KCNH1: variants seen among roughly 807,000 people sequenced by gnomAD.
The protein encoded by KCNH1 is voltage-gated delayed rectifier potassium channel KCNH1.
KCNH1 carries 27 observed loss-of-function variants against 69.2 expected under a neutral mutation model. That is an observed-to-expected ratio of 0.39 (90% CI 0.29 to 0.54). KCNH1 has a LOEUF of 0.54. Among genes scored for constraint, KCNH1 ranks in the 20% least tolerant of loss-of-function variants. KCNH1 has a pLI of 0.68. For synonymous variants in KCNH1, 456 were observed against 487.7 expected, an observed-to-expected ratio of 0.93 and a Z score of 0.86; for missense variants, 798 against 1,261.6, an observed-to-expected ratio of 0.63 and a Z score of 5.57.
chr1:210,960,196 A>T (rs1688267331), intron 6 of KCNH1, among the ~76,000 whole-genome samples: 1 of 152,208 alleles, frequency 6.6e-6, no homozygotes, highest in African/African-American at 2.4e-5. Context: ...CTAGAACATC[A>T]CCAATTTTAA....
chr1:210,741,661 C>G (rs916641596), intron 10 of KCNH1, among the ~76,000 whole-genome samples: 1 of 152,194 alleles, frequency 6.6e-6, no homozygotes, highest in African/African-American at 2.4e-5. Context: ...AAGGCCCTCA[C>G]TGAAAGCCCT....
chr1:210,963,602 C>A (rs557564860), intron 6 of KCNH1, among the ~76,000 whole-genome samples: 1 of 151,896 alleles, frequency 6.6e-6, no homozygotes, highest in South Asian at 2.1e-4. Flanking sequence ...CATAAATGAC[C>A]TGATGGAACT....
chr1:210,986,302 A>T (rs1688832913), intron 6 of KCNH1, among the ~76,000 whole-genome samples: 1 of 152,244 alleles, frequency 6.6e-6, no homozygotes, highest in African/African-American at 2.4e-5. Context: ...TAATATTGTT[A>T]TGTGTGAATT....
At chr1:211,035,724 G>T (rs1571596536) in intron 5 of KCNH1, among the ~76,000 whole-genome samples, 1 of 152,266 alleles carries the variant, frequency 6.6e-6, no homozygotes, top group East Asian at 1.9e-4. Flanking sequence ...GAAAACAGAA[G>T]ATGGAAATTC....
chr1:210,846,183 G>T (rs567889549), intron 7 of KCNH1, among the ~76,000 whole-genome samples: 1 of 152,118 alleles, frequency 6.6e-6, no homozygotes, highest in East Asian at 1.9e-4. Flanking sequence ...CAATGCCATC[G>T]CCATCAAGCT....
intron 7 of KCNH1, among the ~76,000 whole-genome samples, chr1:210,830,880 G>T (rs1014322727): frequency 6.6e-6 from 1 of 152,160 alleles, no homozygotes; most frequent in Non-Finnish European, 1.5e-5. Flanking sequence ...CAATAAAACT[G>T]CCCCAGCTTG....
chr1:210,728,396 C>G (rs993201782), intron 10 of KCNH1, among the ~76,000 whole-genome samples: 2 of 152,124 alleles, frequency 1.3e-5, no homozygotes, highest in Admixed American at 1.3e-4. Context: ...AGAGACCACA[C>G]AGTAGGACAG....
intron 10 of KCNH1, among the ~76,000 whole-genome samples, chr1:210,745,499 A>G (rs1424958335): frequency 6.6e-6 from 1 of 152,214 alleles, no homozygotes; most frequent in Non-Finnish European, 1.5e-5. Context: ...GCATATGCCA[A>G]TTAAGAAACG....
At chr1:211,030,682 G>C (rs1689766009) in intron 5 of KCNH1, among the ~76,000 whole-genome samples, 1 of 151,912 alleles carries the variant, frequency 6.6e-6, no homozygotes, top group Non-Finnish European at 1.5e-5. Flanking sequence ...AAAATCTTCA[G>C]AATCTAGGGC....
chr1:210,786,502 C>A (rs1349884068), intron 9 of KCNH1, among the ~76,000 whole-genome samples: 1 of 152,102 alleles, frequency 6.6e-6, no homozygotes, highest in East Asian at 1.9e-4. Flanking sequence ...TCTGGAAATC[C>A]ATCTCGGGCT....
chr1:210,721,318 G>C (rs1007640579), intron 10 of KCNH1, among the ~76,000 whole-genome samples: 7 of 152,188 alleles, frequency 4.6e-5, no homozygotes, highest in African/African-American at 1.7e-4. Context: ...GAGCTAGCCT[G>C]ATAATCAGAG....
rs1687422877 is a variant in KCNH1 at position 210,919,867 on chromosome 1, G to T, written c.1235C>A (p.Thr412Lys). ...GTACAGCCAGCTGTTGTTGCGGATT[G>T]TCTTGGTGTCCTCGTCAAAGATCTC... ...DYEIFDEDTK[T>K]IRNNSWLYQL... The change falls in exon 7 of 11, where the codon ACA becomes AAA. Residue 412 changes from threonine (T) to lysine (K), a missense_variant. Coordinates refer to ENST00000271751, the MANE Select transcript of KCNH1 (RefSeq NM_172362.3). The surrounding 1 kb of genome is among the most constrained non-coding windows in gnomAD (Gnocchi z 4.2). 6.2e-7 allele frequency: 1 copy of T among 1,614,070 alleles called. No homozygotes were observed. The highest frequency in any genetic ancestry group is 1.7e-5 in the Admixed American group (1 of 60,010).
intron 10 of KCNH1, among the ~76,000 whole-genome samples, chr1:210,755,322 C>T (rs554651851): frequency 1.1e-4 from 13 of 118,878 alleles, no homozygotes; most frequent in Admixed American, 1.8e-4. Context: ...GGGCTGCCTC[C>T]AGCACCAGTC....
At chr1:210,703,531 T>C (rs1681832970) in intron 10 of KCNH1, among the ~76,000 whole-genome samples, 1 of 152,232 alleles carries the variant, frequency 6.6e-6, no homozygotes, top group Non-Finnish European at 1.5e-5. Flanking sequence ...CTAAAAGAAA[T>C]AATGCATTTA....
At chr1:210,890,442 T>C (rs1407070999) in intron 7 of KCNH1, among the ~76,000 whole-genome samples, 1 of 152,102 alleles carries the variant, frequency 6.6e-6, no homozygotes, top group African/African-American at 2.4e-5. Context: ...ATAAAAACCC[T>C]AGAAGAAAAC....
chr1:211,050,337 A>ACAAAGCCT (rs1376419589), intron 5 of KCNH1, among the ~76,000 whole-genome samples: 1 of 148,718 alleles, frequency 6.7e-6, no homozygotes, highest in African/African-American at 2.5e-5. Flanking sequence ...TAGTCACAAA[A>ACAAAGCCT]CAAAGCCTGA....
intron 7 of KCNH1, among the ~76,000 whole-genome samples, chr1:210,819,876 G>A (rs982154308): frequency 3.3e-5 from 5 of 152,168 alleles, no homozygotes; most frequent in African/African-American, 4.8e-5. Context: ...CTTCTGAATC[G>A]TTCTTCTGGA....
chr1:210,788,225 C>T (rs1226609685), intron 9 of KCNH1, among the ~76,000 whole-genome samples: 1 of 152,158 alleles, frequency 6.6e-6, no homozygotes, highest in South Asian at 2.1e-4. Flanking sequence ...AATAAGTCTA[C>T]TGTCCAGAAA....
At chr1:211,038,910 G>T (rs1341602757) in intron 5 of KCNH1, among the ~76,000 whole-genome samples, 3 of 152,204 alleles carry the variant, frequency 2.0e-5, no homozygotes, top group Non-Finnish European at 2.9e-5. Flanking sequence ...CATTTTCTGG[G>T]GATAAATTCA....
Sources: allele counts gnomAD v4.1 joint callset (sites outside exome capture counted in the v4.1 genomes callset), GRCh38; gene constraint gnomAD v4.1.1; non-coding constraint Gnocchi (gnomAD v3.1); transcripts MANE v1.5; gene names NCBI Gene and HGNC (gene_info 2026-07-23, HGNC 2026-07-21).